GRIA4: variants seen among roughly 807,000 people sequenced by gnomAD.
The protein encoded by GRIA4 is glutamate receptor 4.
GRIA4 carries 34 observed loss-of-function variants against 104.0 expected under a neutral mutation model. The observed-to-expected ratio is 0.33, with a 90% CI of 0.25 to 0.44. The LOEUF (loss-of-function observed/expected upper bound fraction) is 0.44, where lower values mean the gene tolerates loss of function less well. Ranked by LOEUF, GRIA4 falls within the 20% of genes least tolerant of loss-of-function variation. The probability of loss-of-function intolerance (pLI) is 1.00; values close to 1 mark genes in which losing one functional copy is unlikely to be tolerated. For synonymous variants in GRIA4, 386 were observed against 381.9 expected, an observed-to-expected ratio of 1.01 and a Z score of -0.13; for missense variants, 750 against 1,096.5, an observed-to-expected ratio of 0.68 and a Z score of 4.46.
chr11:105,688,156 C>CTATATCTATATCTATATCTCTATCTA (rs373564678), intron 3 of GRIA4, among the ~76,000 whole-genome samples: 4 of 72,766 alleles, frequency 5.5e-5, no homozygotes, highest in East Asian at 7.8e-4. Context: ...ATATCTATAT[C>CTATATCTATATCTATATCTCTATCTA]TCTATCTATC....
chr11:105,830,512 A>G (rs1294057369), intron 4 of GRIA4, among the ~76,000 whole-genome samples: 1 of 152,040 alleles, frequency 6.6e-6, no homozygotes, highest in Non-Finnish European at 1.5e-5. Context: ...GCTGGCTCAT[A>G]GCCCCTATAG....
At position 105,887,573 on chromosome 11, in the gene GRIA4, G is replaced by T. The variant is rs748526776; in HGVS notation, c.726+1G>T. 1 of 1,339,990 alleles carries T rather than the reference G, an allele frequency of 7.5e-7. No homozygotes were observed. Among genetic ancestry groups the T allele is most frequent in the South Asian group, 1.2e-5 (1 of 81,552 alleles). The allele number at this position is 1,339,990 out of a possible 1,614,324, so 83.0% of individuals were successfully genotyped here. ...CTACCATTATATCATTGCAAACTTG[G>T]TAAGAACTTCTTATTTTCTACTTTT... On this transcript the variant is annotated splice_donor_variant, in intron 6 of 16. Coordinates refer to ENST00000282499, the MANE Select transcript of GRIA4 (RefSeq NM_000829.4). LOFTEE classifies it high-confidence loss of function.
At chr11:105,781,717 G>A (rs565147977) in intron 4 of GRIA4, among the ~76,000 whole-genome samples, 2 of 152,014 alleles carry the variant, frequency 1.3e-5, no homozygotes, top group South Asian at 2.1e-4. Context: ...CACAAGAATC[G>A]GAGACACAAA....
intron 13 of GRIA4, 28 bp from the exon 14 acceptor site, chr11:105,933,694 T>C (rs1947951063): frequency 2.0e-6 from 3 of 1,481,354 alleles, no homozygotes; most frequent in Non-Finnish European, 1.8e-6. Flanking sequence ...TTCTTTCCTG[T>C]ATTTAATTTT....
At chr11:105,689,180 T>C (rs1189323630) in intron 3 of GRIA4, among the ~76,000 whole-genome samples, 1 of 152,192 alleles carries the variant, frequency 6.6e-6, no homozygotes, top group Non-Finnish European at 1.5e-5. Context: ...CCCTGGTTAT[T>C]TGAAGGCATC....
At chr11:105,727,587 G>C (rs1249167105) in intron 3 of GRIA4, among the ~76,000 whole-genome samples, 1 of 152,054 alleles carries the variant, frequency 6.6e-6, no homozygotes, top group African/African-American at 2.4e-5. Context: ...GATTCACCAA[G>C]GTTGAAATGA....
At chr11:105,901,258 C>A (rs1468781209) in intron 7 of GRIA4, among the ~76,000 whole-genome samples, 1 of 152,078 alleles carries the variant, frequency 6.6e-6, no homozygotes, top group Non-Finnish European at 1.5e-5. Context: ...GTTTTATACT[C>A]CATAACCAAA....
chr11:105,774,902 CAA>C (rs1203386042), intron 4 of GRIA4, among the ~76,000 whole-genome samples: 4 of 152,128 alleles, frequency 2.6e-5, no homozygotes, highest in South Asian at 2.1e-4. Context: ...TAAATTACTG[CAA>C]AGTCAGTGAC....
At chr11:105,921,306 G>GGGGGGT (rs758122574) in intron 11 of GRIA4, among the ~76,000 whole-genome samples, 1 of 138,768 alleles carries the variant, frequency 7.2e-6, no homozygotes, top group African/African-American at 2.7e-5. Context: ...ACCACACTTG[G>GGGGGGT]GTGTGTGTGT....
chr11:105,747,983 G>C (rs1355112830), intron 3 of GRIA4, among the ~76,000 whole-genome samples: 4 of 151,934 alleles, frequency 2.6e-5, no homozygotes, highest in Non-Finnish European at 2.9e-5. Context: ...GCTTACTGTG[G>C]GTAGGCACAC....
intron 3 of GRIA4, among the ~76,000 whole-genome samples, chr11:105,672,353 T>C (rs1952402145): frequency 6.6e-6 from 1 of 152,124 alleles, no homozygotes; most frequent in African/African-American, 2.4e-5. Flanking sequence ...TTAGAAAGCA[T>C]ATTCAATCAT....
chr11:105,934,064 A>G (rs1947960311), intron 14 of GRIA4, 95 bp downstream of exon 14: 1 of 1,038,086 alleles, frequency 9.6e-7, no homozygotes, highest in African/African-American at 1.6e-5. Context: ...GTGTGTGAAC[A>G]TGGTATGTTT....
chr11:105,794,508 T>C lies in GRIA4; in HGVS notation c.487+41288T>C, dbSNP rs867724649. On this transcript the variant is annotated intron_variant, in intron 4 of 16. Transcript: ENST00000282499. ...ATATATATATATATATATATATATA[T>C]ATATACATATACACACACACACATA... 1.8e-3 allele frequency among the ~76,000 whole-genome samples: 222 copies of C among 122,942 alleles called. 6 individuals are homozygous for C. The highest frequency in any genetic ancestry group is 6.3e-3 in the African/African-American group (191 of 30,536). The allele number at this position is 122,942 out of a possible 152,430, so 80.7% of individuals were successfully genotyped here.
chr11:105,752,543 GGT>G (rs2135693044), intron 3 of GRIA4, among the ~76,000 whole-genome samples: 1 of 152,192 alleles, frequency 6.6e-6, no homozygotes, highest in South Asian at 2.1e-4. Flanking sequence ...GAGGGCAAAA[GGT>G]ATTATAAATG....
intron 4 of GRIA4, among the ~76,000 whole-genome samples, chr11:105,802,451 C>A (rs921489081): frequency 5.9e-5 from 9 of 152,052 alleles, no homozygotes; most frequent in African/African-American, 2.2e-4. Context: ...CTTCAATGAC[C>A]TAGCTGTCAA....
At chr11:105,918,658 G>A (rs2136184024) in intron 10 of GRIA4, 54 bp from the exon 11 acceptor site, 2 of 879,436 alleles carry the variant, frequency 2.3e-6, no homozygotes, top group South Asian at 2.9e-5. Context: ...GTTACATAAG[G>A]TTTTTCAAAT....
chr11:105,787,578 CA>C (rs1942028306), intron 4 of GRIA4, among the ~76,000 whole-genome samples: 1 of 142,122 alleles, frequency 7.0e-6, no homozygotes, highest in Admixed American at 7.6e-5. Flanking sequence ...TGGGTTCAAG[CA>C]ATTCTCCCAC....
In GRIA4 at chr11:105,677,416, G is replaced by T. The variant is rs962746023; in HGVS notation, c.247+64982G>T. Among the ~76,000 whole-genome samples, 2 of 151,758 alleles carry T rather than the reference G, an allele frequency of 1.3e-5. 1 individual carries two copies. The highest frequency in any genetic ancestry group is 4.1e-4 in the South Asian group (2 of 4,830). The stretch of plus-strand genomic sequence containing the variant: ...AACTAGGAAACATTCCTGATGATCT[G>T]TATGATCAGCTAATAAAATATCAGC... On this transcript the variant is annotated intron_variant, in intron 3 of 16. Coordinates refer to ENST00000282499, the MANE Select transcript of GRIA4 (RefSeq NM_000829.4).
chr11:105,753,291 G>T, intron 4 of GRIA4, 71 bp downstream of exon 4: 5 of 1,385,220 alleles, frequency 3.6e-6, no homozygotes, highest in Non-Finnish European at 4.1e-6. Flanking sequence ...ATATGACTTC[G>T]GTTTTTAGCA....
Sources: gnomAD v4.1 joint callset for allele counts (sites outside exome capture counted in the v4.1 genomes callset) on GRCh38, gnomAD v4.1.1 for gene constraint, MANE v1.5 for transcripts, NCBI Gene and HGNC (gene_info 2026-07-23, HGNC 2026-07-21) for gene names.